The following TMEM132C variants were observed in gnomAD, a reference collection of about 807,000 sequenced individuals.
The protein encoded by TMEM132C is transmembrane protein 132C.
In TMEM132C, 29 loss-of-function variants were observed where a neutral mutation model predicts 61.4. The observed-to-expected ratio is 0.47, with a 90% CI of 0.35 to 0.64. The LOEUF (loss-of-function observed/expected upper bound fraction) is 0.64. Among genes scored for constraint, TMEM132C ranks in the 30% least tolerant of loss-of-function variants. The pLI, the probability that TMEM132C is intolerant of heterozygous loss-of-function variation, is 0.00. For missense variants in TMEM132C, 1,408 were observed against 1,476.9 expected, an observed-to-expected ratio of 0.95 and a Z score of 0.76; for synonymous variants, 656 against 633.1, an observed-to-expected ratio of 1.04 and a Z score of -0.54.
rs892948357 is a variant in TMEM132C, at chr12:128,598,251, T to C, written c.1122-17901T>C. On this transcript the variant is annotated intron_variant, in intron 3 of 8. Coordinates refer to ENST00000435159, the MANE Select transcript of TMEM132C (RefSeq NM_001136103.3). ...GGCCAACATGGCGGAACCCCAACTC[T>C]ACTAAAAAATAATAACAATAATAAT... 3.3e-5 allele frequency among the ~76,000 whole-genome samples: 5 copies of C among 152,200 alleles called. No homozygotes were observed. In the South Asian group the frequency reaches 8.3e-4, roughly 25 times the overall value.
At chr12:128,658,212 G>A (rs1954347792) in intron 4 of TMEM132C, among the ~76,000 whole-genome samples, 1 of 144,972 alleles carries the variant, frequency 6.9e-6, no homozygotes, top group African/African-American at 2.6e-5. Context: ...TCCCATGGAG[G>A]CCACAAGGCA....
chr12:128,304,864 A>T (rs374141274), intron 1 of TMEM132C, among the ~76,000 whole-genome samples: 20 of 152,262 alleles, frequency 1.3e-4, no homozygotes, highest in African/African-American at 4.8e-4. Flanking sequence ...TGATGGGACA[A>T]GTTGGGTGGA....
chr12:128,644,701 C>T (rs148535573), intron 4 of TMEM132C, among the ~76,000 whole-genome samples: 62 of 152,298 alleles, frequency 4.1e-4, no homozygotes, highest in Middle Eastern at 3.4e-3. Context: ...AATTACTAAA[C>T]TCCATGGCAC....
intron 2 of TMEM132C, among the ~76,000 whole-genome samples, chr12:128,460,306 C>T (rs1870490462): frequency 6.6e-6 from 1 of 152,116 alleles, no homozygotes; most frequent in African/African-American, 2.4e-5. Flanking sequence ...CATCTCTCAC[C>T]CCTGCTTTCT....
At chr12:128,287,513 CTA>C (rs1233070413) in intron 1 of TMEM132C, among the ~76,000 whole-genome samples, 8 of 150,486 alleles carry the variant, frequency 5.3e-5, no homozygotes, top group South Asian at 2.1e-4. Context: ...ATATCTATAT[CTA>C]TATCTATATC....
At chr12:128,623,604 C>T (rs566991821) in intron 4 of TMEM132C, among the ~76,000 whole-genome samples, 44 of 151,770 alleles carry the variant, frequency 2.9e-4, no homozygotes, top group African/African-American at 9.7e-4. Context: ...CTCAGGAGTT[C>T]GAAACCAGCC....
intron 4 of TMEM132C, among the ~76,000 whole-genome samples, chr12:128,634,223 G>A (rs779264725): frequency 6.6e-5 from 10 of 152,196 alleles, no homozygotes; most frequent in Non-Finnish European, 1.3e-4. Context: ...ACAGGCATGT[G>A]CCACGAAACC....
chr12:128,364,125 G>T (rs1276120977), intron 1 of TMEM132C, among the ~76,000 whole-genome samples: 2 of 152,134 alleles, frequency 1.3e-5, no homozygotes, highest in African/African-American at 2.4e-5. Context: ...GCCGTTAAAG[G>T]TTCAGGATCC....
intron 4 of TMEM132C, among the ~76,000 whole-genome samples, chr12:128,668,009 A>G (rs1037067257): frequency 6.6e-6 from 1 of 152,224 alleles, no homozygotes; most frequent in Non-Finnish European, 1.5e-5. Flanking sequence ...ACGGTGGCCC[A>G]TGCCTGTAAT....
At chr12:128,491,320 A>G (rs570535153) in intron 2 of TMEM132C, among the ~76,000 whole-genome samples, 2 of 152,258 alleles carry the variant, frequency 1.3e-5, no homozygotes, top group South Asian at 4.1e-4. Context: ...TTTGGCTGCA[A>G]TTGAGCAATT....
intron 2 of TMEM132C, among the ~76,000 whole-genome samples, chr12:128,446,720 A>G (rs1272798832): frequency 6.6e-6 from 1 of 152,180 alleles, no homozygotes; most frequent in African/African-American, 2.4e-5. Flanking sequence ...CCCATGCTTC[A>G]GAAGGGCTGG....
chr12:128,447,148 G>A (rs984253091), intron 2 of TMEM132C, among the ~76,000 whole-genome samples: 1 of 152,182 alleles, frequency 6.6e-6, no homozygotes, highest in African/African-American at 2.4e-5. Context: ...CCACTTGCTT[G>A]TAGCTGTTGT....
chr12:128,380,554 G>T (rs544832041), intron 1 of TMEM132C, among the ~76,000 whole-genome samples: 1 of 152,148 alleles, frequency 6.6e-6, no homozygotes, highest in Non-Finnish European at 1.5e-5. Flanking sequence ...CATTATTCAC[G>T]GTAGGTATCT....
chr12:128,702,524 A>G (rs1315102752), intron 8 of TMEM132C, among the ~76,000 whole-genome samples: 1 of 152,188 alleles, frequency 6.6e-6, no homozygotes, highest in African/African-American at 2.4e-5. Context: ...GTTTAACACA[A>G]CCACTCCCGG....
At chr12:128,546,423 C>A (rs1044848332) in intron 3 of TMEM132C, among the ~76,000 whole-genome samples, 1 of 152,096 alleles carries the variant, frequency 6.6e-6, no homozygotes, top group Admixed American at 6.5e-5. Context: ...AGAAGCAGAG[C>A]GAGGGAGATG....
intron 2 of TMEM132C, among the ~76,000 whole-genome samples, chr12:128,516,456 C>T (rs761997647): frequency 1.3e-5 from 2 of 152,096 alleles, no homozygotes; most frequent in Non-Finnish European, 2.9e-5. Context: ...CACAGGATGG[C>T]TCTAGGATTG....
intron 1 of TMEM132C, among the ~76,000 whole-genome samples, chr12:128,277,747 G>T (rs1047514850): frequency 2.0e-5 from 3 of 152,178 alleles, no homozygotes; most frequent in African/African-American, 7.2e-5. Flanking sequence ...CTTCTCACGG[G>T]TGTGCTCCAC....
chr12:128,589,842 T>C (rs1300908898), intron 3 of TMEM132C, among the ~76,000 whole-genome samples: 1 of 152,140 alleles, frequency 6.6e-6, no homozygotes, highest in Non-Finnish European at 1.5e-5. Flanking sequence ...ACCTGTAAAG[T>C]GGGAATAAAG....
intron 4 of TMEM132C, among the ~76,000 whole-genome samples, chr12:128,660,461 AC>A (rs933968143): frequency 2.4e-4 from 36 of 152,296 alleles, no homozygotes; most frequent in African/African-American, 8.2e-4. Flanking sequence ...AACTAGTTTA[AC>A]CTGCACGGCT....
Sources: gnomAD v4.1 joint callset for allele counts (sites outside exome capture counted in the v4.1 genomes callset) on GRCh38, gnomAD v4.1.1 for gene constraint, MANE v1.5 for transcripts, NCBI Gene and HGNC (gene_info 2026-07-23, HGNC 2026-07-21) for gene names.